ADGRE3: variants seen among roughly 807,000 people sequenced by gnomAD.
ADGRE3 encodes the protein EGF-like module receptor 3.
Under a neutral mutation model 80.1 loss-of-function variants are expected in ADGRE3, and 88 were observed. The observed-to-expected ratio is 1.10, with a 90% CI of 0.93 to 1.31. The LOEUF is 1.31. Ranked by LOEUF, ADGRE3 falls within the 40% of genes most tolerant of loss-of-function variation. The pLI, the probability that ADGRE3 is intolerant of heterozygous loss-of-function variation, is 0.00. For synonymous variants in ADGRE3, 281 were observed against 294.8 expected (o/e 0.95, Z 0.48); for missense variants, 715 against 776.5 (o/e 0.92, Z 0.94).
At position 14,620,562 on chromosome 19, in the gene ADGRE3, ATATATATTTTTTTTTTTT is replaced by A. The variant is rs1970566797; in HGVS notation, c.1921-1109_1921-1092del. Reference sequence around the variant, plus strand: ...TTATATATATATTATATATATATATATATATATTTTTTTTTTTTTTTTTTTTTTTTTTTTTGAGACAGG... The same window carrying A: ...TTATATATATATTATATATATATATATTTTTTTTTTTTTTTTTGAGACAGG... On this transcript the variant is annotated intron_variant, in intron 15 of 15. Coordinates refer to ENST00000253673, the MANE Select transcript of ADGRE3 (RefSeq NM_032571.5). Among the ~76,000 whole-genome samples the A allele has an allele frequency of 9.5e-4, 21 of 22,072 alleles. 2 individuals carry two copies. Among genetic ancestry groups the A allele is most frequent in the East Asian group, 2.5e-3 (2 of 794 alleles). 14.5% of individuals were successfully genotyped at this position (22,072 alleles called of 152,430 possible). A position where few individuals can be genotyped will look rare whatever the true frequency, so the allele number is the denominator to read the frequency against.
intron 2 of ADGRE3, among the ~76,000 whole-genome samples, chr19:14,665,871 A>C (rs1972078820): frequency 6.9e-6 from 1 of 144,706 alleles, no homozygotes; most frequent in African/African-American, 2.5e-5. Flanking sequence ...ACAACATAAT[A>C]TATAATTATA....
downstream of ADGRE3, among the ~76,000 whole-genome samples, chr19:14,617,279 T>C (rs2075080214): frequency 6.6e-6 from 1 of 151,414 alleles, no homozygotes; most frequent in Non-Finnish European, 1.5e-5. Flanking sequence ...TTCTTTTTCG[T>C]TCTTTCTCTT....
chr19:14,614,371 C>A (rs1423502693), downstream of ADGRE3, among the ~76,000 whole-genome samples: 3 of 152,150 alleles, frequency 2.0e-5, no homozygotes, highest in African/African-American at 7.2e-5. Context: ...AACCTATCTC[C>A]CTTCCACATC....
chr19:14,618,279 G>A (rs957810958), downstream of ADGRE3, among the ~76,000 whole-genome samples: 7 of 151,868 alleles, frequency 4.6e-5, no homozygotes, highest in East Asian at 1.9e-4. Context: ...CTCATCAGGC[G>A]CGATGGCTTG....
chr19:14,648,087 CA>C (rs60371636), intron 7 of ADGRE3, among the ~76,000 whole-genome samples: 67 of 108,350 alleles, frequency 6.2e-4, no homozygotes, highest in Middle Eastern at 5.2e-3. Context: ...ATCTCAAAGA[CA>C]AAAAAAAAAA....
chr19:14,633,708 A>AAAAT (rs1970951073), intron 11 of ADGRE3, among the ~76,000 whole-genome samples: 3 of 123,720 alleles, frequency 2.4e-5, no homozygotes, highest in Non-Finnish European at 4.9e-5. Flanking sequence ...CCGTCTCAAA[A>AAAAT]AAAATAAAAT....
chr19:14,648,317 C>T (rs919287074), intron 7 of ADGRE3, among the ~76,000 whole-genome samples: 6 of 152,052 alleles, frequency 3.9e-5, no homozygotes, highest in African/African-American at 9.7e-5. Context: ...CTTCCATGGG[C>T]GTGAATTTGT....
At chr19:14,629,503 T>C (rs889228119) in intron 14 of ADGRE3, among the ~76,000 whole-genome samples, 1 of 152,198 alleles carries the variant, frequency 6.6e-6, no homozygotes, top group African/African-American at 2.4e-5. Flanking sequence ...AATCACAGGC[T>C]TGAGTGACCT....
chr19:14,626,219 G>A (rs1228301283), intron 14 of ADGRE3, among the ~76,000 whole-genome samples: 5 of 152,032 alleles, frequency 3.3e-5, no homozygotes, highest in African/African-American at 9.7e-5. Context: ...GGTGGATCAC[G>A]AGGTCAGGAG....
intron 10 of ADGRE3, among the ~76,000 whole-genome samples, chr19:14,638,730 T>C (rs576164917): frequency 1.3e-5 from 2 of 152,176 alleles, no homozygotes; most frequent in African/African-American, 4.8e-5. Context: ...CACCAGAATT[T>C]ACCCCTCCTT....
chr19:14,620,548 T>TATAATATATATATATATA lies in ADGRE3; in HGVS notation c.1921-1078_1921-1077insTATATATATATATATTAT. Among the ~76,000 whole-genome samples, 19 of 24,964 alleles carry TATAATATATATATATATA rather than the reference T, an allele frequency of 7.6e-4. 3 individuals are homozygous for TATAATATATATATATATA. Among genetic ancestry groups the TATAATATATATATATATA allele is most frequent in the East Asian group, 1.5e-3 (1 of 666 alleles). 16.4% of individuals were successfully genotyped at this position (24,964 alleles called of 152,430 possible). Reference sequence around the variant, plus strand: ...TGAATATATATATTTTATATATATATTATATATATATATATATATATTTTT... The same window carrying TATAATATATATATATATA: ...TGAATATATATATTTTATATATATATATAATATATATATATATATATATATATATATATATATATTTTT... On this transcript the variant is annotated intron_variant, in intron 15 of 15. Transcript: ENST00000253673.
intron 15 of ADGRE3, 123 bp from the exon 16 acceptor site, chr19:14,619,594 G>A: frequency 2.7e-6 from 2 of 733,842 alleles, no homozygotes; most frequent in East Asian, 2.5e-5. Flanking sequence ...GGCAAGGATG[G>A]CATGATCTCC....
chr19:14,646,678 TCCCTCCC>T lies in ADGRE3; in HGVS notation c.882+496_882+502del, dbSNP rs1971411489. On this transcript the variant is annotated intron_variant, in intron 8 of 15. Transcript: ENST00000253673. ...CTCTCTTCCTCCCTCCCTCCCTCCCTCCCTCCCTCCCTCCCTCCTTCCTTCCTTCCTT... is the reference window on the plus strand; with the variant it reads ...CTCTCTTCCTCCCTCCCTCCCTCCCTTCCCTCCCTCCTTCCTTCCTTCCTT... Among the ~76,000 whole-genome samples, 3 of 48,830 alleles carry T rather than the reference TCCCTCCC, an allele frequency of 6.1e-5. No homozygotes were observed. In the Admixed American group the frequency reaches 7.3e-4, roughly 12 times the overall value. The allele number at this position is 48,830 out of a possible 152,430, so 32.0% of individuals were successfully genotyped here.
At chr19:14,637,160 G>T (rs1971112832) in intron 11 of ADGRE3, among the ~76,000 whole-genome samples, 1 of 152,094 alleles carries the variant, frequency 6.6e-6, no homozygotes, top group Non-Finnish European at 1.5e-5. Context: ...CAGGTCCTGT[G>T]TACCAGTGAA....
rs753985216 is a variant in ADGRE3 at position 14,655,168 on chromosome 19, T to C, written c.394-3A>G. 7 of 1,602,482 alleles carry C rather than the reference T, an allele frequency of 4.4e-6. No homozygotes were observed. The Admixed American group carries it at 1.2e-4, about 28-fold the overall frequency. ...AATTTGTCCACAATCTTTTGCAGCT[T>C]TGAAGACATAAAGAATTTTCATTTT... On this transcript the variant is annotated splice_polypyrimidine_tract_variant and splice_region_variant and intron_variant, in intron 5 of 15. Coordinates refer to ENST00000253673, the MANE Select transcript of ADGRE3 (RefSeq NM_032571.5).
At chr19:14,620,568 A>ATATATATATATATTT (rs1435435269) in intron 15 of ADGRE3, among the ~76,000 whole-genome samples, 1 of 11,052 alleles carries the variant, frequency 9.0e-5, no homozygotes, top group African/African-American at 4.1e-4. Flanking sequence ...ATATATATAT[A>ATATATATATATATTT]TTTTTTTTTT....
intron 15 of ADGRE3, 25 bp downstream of exon 15, chr19:14,625,467 A>G: frequency 7.2e-7 from 1 of 1,386,136 alleles, no homozygotes; most frequent in Non-Finnish European, 1.0e-6. Context: ...GTAAAACATT[A>G]GAACAATTCA....
the ADGRE3 span, chr19:14,610,391 T>TA: frequency 2.2e-4 from 144 of 666,676 alleles, no homozygotes; most frequent in African/African-American, 2.4e-3. Context: ...GGGCTTGCCC[T>TA]AGTAGATGGT....
downstream of ADGRE3, among the ~76,000 whole-genome samples, chr19:14,618,182 G>A (rs1012185837): frequency 7.9e-5 from 12 of 151,886 alleles, no homozygotes; most frequent in Non-Finnish European, 1.5e-4. Flanking sequence ...TATCTACATC[G>A]TGGAATGACT....
Sources: gnomAD v4.1 joint callset for allele counts (sites outside exome capture counted in the v4.1 genomes callset) on GRCh38, gnomAD v4.1.1 for gene constraint, MANE v1.5 for transcripts, NCBI Gene and HGNC (gene_info 2026-07-23, HGNC 2026-07-21) for gene names.